The following AATK variants were observed in gnomAD, a reference collection of about 807,000 sequenced individuals.
AATK encodes serine/threonine-protein kinase LMTK1.
Under a neutral mutation model 114.3 loss-of-function variants are expected in AATK, and 91 were observed. That is an observed-to-expected ratio of 0.80 (90% confidence interval 0.67 to 0.95). The LOEUF is 0.95. Ranked by LOEUF, AATK falls within the 40% of genes least tolerant of loss-of-function variation. The pLI is 0.00. For missense variants in AATK, 2,176 were observed against 1,965.2 expected (o/e 1.11, Z -2.03); for synonymous variants, 1,075 against 916.5 (o/e 1.17, Z -3.12).
At position 81,121,643 on chromosome 17, in the gene AATK, A is replaced by C; in HGVS notation, c.2293T>G (p.Trp765Gly). The stretch of plus-strand genomic sequence containing the variant: ...CCCCCACTACTGGCTGTCTCTGTCC[A>C]GGAGGGTGTAACCAGGCAGGGAGCA... ...APAPCLVTPS[W>G]TETASSGGDH... Residue 765 changes from tryptophan to glycine, a missense_variant, in exon 11 of 14, where the codon TGG (tryptophan) becomes GGG (glycine). This residue lies in a region of AATK where 1,701 missense variants were observed against 1,394.7 expected (regional missense o/e 1.22). Transcript: ENST00000326724. The C allele has an allele frequency of 6.7e-7, 1 of 1,500,336 alleles. No homozygotes were observed. The allele number at this position is 1,500,336 out of a possible 1,614,324, so 92.9% of individuals were successfully genotyped here. A position where few individuals can be genotyped will look rare whatever the true frequency, so the allele number is the denominator to read the frequency against.
In AATK at chr17:81,122,803, C is replaced by A. The variant is rs2146289375; in HGVS notation, c.1133G>T (p.Cys378Phe). 1 of 1,574,234 alleles carries A rather than the reference C, an allele frequency of 6.4e-7. No homozygotes were observed. The highest frequency in any genetic ancestry group is 1.8e-5 in the Admixed American group (1 of 54,518). ...GGGCCGCTGCTCGGGCTGCAGCCAG[C>A]AGAACTGCATCACCTCGTACCTGCG... ...SDRWYEVMQFCWLQPEQRPTA... is the reference protein window; with the variant it reads ...SDRWYEVMQFFWLQPEQRPTA... Residue 378 changes from cysteine to phenylalanine, a missense_variant, in exon 11 of 14, where the codon TGC becomes TTC. Cys to Phe is a radical substitution (Grantham distance 205). Coordinates refer to ENST00000326724, the MANE Select transcript of AATK (RefSeq NM_001080395.3).
intron 2 of AATK, among the ~76,000 whole-genome samples, chr17:81,133,968 G>A (rs554335012): frequency 2.4e-4 from 36 of 152,274 alleles, no homozygotes; most frequent in Non-Finnish European, 4.0e-4. Flanking sequence ...GAATTCGGAG[G>A]GACGTGAGAG....
At chr17:81,149,811 G>A (rs1186378283) in intron 1 of AATK, among the ~76,000 whole-genome samples, 2 of 152,142 alleles carry the variant, frequency 1.3e-5, no homozygotes, top group Non-Finnish European at 1.5e-5. Flanking sequence ...CCGCTGCAAC[G>A]GCAGTCAGCC....
At chr17:81,129,043 C>T (rs1027118080) in intron 3 of AATK, 2 of 458,800 alleles carry the variant, frequency 4.4e-6, no homozygotes. Context: ...CCATTCTCCC[C>T]GAGGGCCAGG....
At chr17:81,144,624 G>A (rs1198873873) in intron 1 of AATK, among the ~76,000 whole-genome samples, 1 of 152,272 alleles carries the variant, frequency 6.6e-6, no homozygotes, top group Non-Finnish European at 1.5e-5. Flanking sequence ...TCCAGCGTGG[G>A]AGGAGTTCGC....
rs2060707764 is a variant in AATK, at chr17:81,122,146, C to T, written c.1790G>A (p.Arg597Lys). 6.6e-7 allele frequency: 1 copy of T among 1,525,890 alleles called. No homozygotes were observed. The highest frequency in any genetic ancestry group is 8.8e-7 in the Non-Finnish European group (1 of 1,137,730). The allele number at this position is 1,525,890 out of a possible 1,614,324, so 94.5% of individuals were successfully genotyped here. ...GCAGAGCGGGTCCCGCGCCAAGCTT[C>T]TGCGAGGGTAGTGGTCGCCGCGGCC... The part of the protein sequence containing the change: ...PWGRGDHYPR[R>K]SLARDPLCPS... The change falls in exon 11 of 14, where the codon AGA becomes AAA. Residue 597 changes from arginine (R) to lysine (K), a missense_variant. Transcript: ENST00000326724.
At chr17:81,123,460 C>T (rs897056674) in intron 9 of AATK, 117 bp from the exon 10 acceptor site, 21 of 977,110 alleles carry the variant, frequency 2.1e-5, no homozygotes, top group Admixed American at 4.2e-5. Flanking sequence ...GCCTCAGGAC[C>T]GGGGCCTGGT....
intron 2 of AATK, chr17:81,131,799 T>C: frequency 7.9e-7 from 1 of 1,270,996 alleles, no homozygotes; most frequent in Non-Finnish European, 1.0e-6. Flanking sequence ...CACAGTCCTG[T>C]GGGAGAAGCA....
chr17:81,120,357 C>T lies in AATK; in HGVS notation c.3579G>A (p.Ala1193=), dbSNP rs1387734465. Residue 1193 remains alanine (A), a synonymous_variant, in exon 11 of 14, where the codon GCG becomes GCA. Transcript: ENST00000326724. ...GGCTCTCAGCCACCACCACGGGCAC[C>T]GCCGGCGCCTCCTCTTCGCTGTCCT... ...PSEDSEEEAP[A]VPVVVAESQS... 5 of 1,609,840 alleles carry T rather than the reference C, an allele frequency of 3.1e-6. No homozygotes were observed. Among genetic ancestry groups the T allele is most frequent in the Non-Finnish European group, 4.2e-6 (5 of 1,179,036 alleles).
intron 2 of AATK, among the ~76,000 whole-genome samples, chr17:81,133,557 C>A (rs1441546449): frequency 6.6e-6 from 1 of 152,170 alleles, no homozygotes; most frequent in African/African-American, 2.4e-5. Context: ...CCCCCGTGGG[C>A]GTGTGAACCA....
intron 7 of AATK, chr17:81,125,475 G>T: frequency 2.7e-6 from 1 of 366,478 alleles, no homozygotes; most frequent in Non-Finnish European, 5.6e-6. Flanking sequence ...TTAGGGTCCA[G>T]CCCTGCCATG....
intron 7 of AATK, chr17:81,125,248 G>A: frequency 2.8e-6 from 2 of 721,346 alleles, no homozygotes; most frequent in Non-Finnish European, 2.6e-6. Flanking sequence ...GGGAGGGACT[G>A]TGTGCGTGGG....
Position 81,121,075 on chromosome 17 carries a change from G to T in AATK, c.2861C>A (p.Ala954Glu). The change falls in exon 11 of 14, where the codon GCG becomes GAG. Residue 954 changes from alanine (A) to glutamate (E), a missense_variant. Transcript: ENST00000326724. ...GGCCTGGGGCTCACACCCTTCCTGC[G>T]CCTCCTTGAGCACAAACTCAGGGGA... ...YESPEFVLKE[A>E]QEGCEPQAFA... 6.2e-7 allele frequency: 1 copy of T among 1,606,642 alleles called. No individual in the cohort carries two copies. Among genetic ancestry groups the T allele is most frequent in the Middle Eastern group, 1.7e-4 (1 of 6,050 alleles).
Position 81,126,727 on chromosome 17 carries a change from G to A in AATK, c.622-167C>T. ...AGTGGCCAGCACCCAGCAGTTCCTG[G>A]AGGGGGGCCGTGTCCCCCAGGGCTG... On this transcript the variant is annotated intron_variant, in intron 6 of 13. Coordinates refer to ENST00000326724, the MANE Select transcript of AATK (RefSeq NM_001080395.3). The surrounding 1 kb of genome is among the most constrained non-coding windows in gnomAD (Gnocchi z 5.1). 7.0e-7 allele frequency: 1 copy of A among 1,418,864 alleles called. No individual in the cohort carries two copies. The highest frequency in any genetic ancestry group is 2.5e-5 in the East Asian group (1 of 39,380). The allele number at this position is 1,418,864 out of a possible 1,614,324, so 87.9% of individuals were successfully genotyped here. A position where few individuals can be genotyped will look rare whatever the true frequency, so the allele number is the denominator to read the frequency against.
Position 81,122,603 on chromosome 17 carries a change from A to G in AATK, c.1333T>C (p.Ser445Pro). 1 of 1,428,052 alleles carries G rather than the reference A, an allele frequency of 7.0e-7. No individual in the cohort carries two copies. The highest frequency in any genetic ancestry group is 3.3e-5 in the East Asian group (1 of 30,142). 88.5% of individuals were successfully genotyped at this position (1,428,052 alleles called of 1,614,324 possible). Residue 445 changes from serine (S) to proline (P), a missense_variant, in exon 11 of 14, where the codon TCG becomes CCG. This residue lies in a region of AATK where 1,701 missense variants were observed against 1,394.7 expected (regional missense o/e 1.22). Coordinates refer to ENST00000326724, the MANE Select transcript of AATK (RefSeq NM_001080395.3). ...AACTGCTCCAGCAGCGGGAAGGACG[A>G]GGCAGCGGCGAGCTCCACCACGCCG... ...LGGVVELAAA[S>P]SFPLLEQFAG...
intron 1 of AATK, among the ~76,000 whole-genome samples, chr17:81,159,981 G>C (rs1392092012): frequency 6.6e-6 from 1 of 152,158 alleles, no homozygotes; most frequent in African/African-American, 2.4e-5. Flanking sequence ...GTGAGATGGG[G>C]ATAGGCTGGC....
chr17:81,119,616 G>A (rs1318376469), intron 12 of AATK, 36 bp from the exon 13 acceptor site: 1 of 1,528,486 alleles, frequency 6.5e-7, no homozygotes, highest in Non-Finnish European at 8.8e-7. Context: ...CGCGCTCACA[G>A]CCTGGGACCC....
rs1268822867 is a variant in AATK, at chr17:81,140,794, C to T, written c.56-6293G>A. Among the ~76,000 whole-genome samples, 37 of 62,054 alleles carry T rather than the reference C, an allele frequency of 6.0e-4. 1 individual carries two copies. The highest frequency in any genetic ancestry group is 1.5e-3 in the Admixed American group (8 of 5,484). The allele number at this position is 62,054 out of a possible 152,430, so 40.7% of individuals were successfully genotyped here. A position where few individuals can be genotyped will look rare whatever the true frequency, so the allele number is the denominator to read the frequency against. On this transcript the variant is annotated intron_variant, in intron 1 of 13. Transcript: ENST00000326724. The stretch of plus-strand genomic sequence containing the variant: ...CTGTGGGGCGGTGAGACCGTGGGGC[C>T]GTGAGACCGTGGGGCTGTGAGCCGT...
chr17:81,149,970 C>T (rs2061274024), intron 1 of AATK, among the ~76,000 whole-genome samples: 2 of 152,070 alleles, frequency 1.3e-5, no homozygotes, highest in South Asian at 4.2e-4. Flanking sequence ...TGGGAAATAA[C>T]AAGTGAGTCC....
Sources: gnomAD v4.1 joint callset for allele counts (sites outside exome capture counted in the v4.1 genomes callset) on GRCh38, gnomAD v4.1.1 for gene constraint, gnomAD v4.1.1 regional missense constraint, Gnocchi (gnomAD v3.1) non-coding constraint, MANE v1.5 for transcripts, NCBI Gene and HGNC (gene_info 2026-07-23, HGNC 2026-07-21) for gene names.